Variants in ROS1 observed in about 807,000 individuals in gnomAD.
ROS1 encodes the protein proto-oncogene tyrosine-protein kinase ROS.
In ROS1, 263 loss-of-function variants were observed where a neutral mutation model predicts 273.5. The ratio of observed to expected loss-of-function variants is 0.96; its 90% CI spans 0.87 to 1.06. The LOEUF (loss-of-function observed/expected upper bound fraction) is 1.06. Among genes scored for constraint, ROS1 ranks in the 50% least tolerant of loss-of-function variants. The pLI is 0.00. For synonymous variants in ROS1, 1,008 were observed against 954.1 expected, an observed-to-expected ratio of 1.06 and a Z score of -1.04; for missense variants, 2,833 against 2,751.1, an observed-to-expected ratio of 1.03 and a Z score of -0.67.
chr6:117,311,448 A>T (rs2128550511), intron 39 of ROS1, among the ~76,000 whole-genome samples: 1 of 152,228 alleles, frequency 6.6e-6, no homozygotes, highest in Non-Finnish European at 1.5e-5. Flanking sequence ...AACTTGCTTA[A>T]GTTACTTAAC....
At chr6:117,309,069 G>T in intron 41 of ROS1, 141 bp from the exon 42 acceptor site, 1 of 696,632 alleles carries the variant, frequency 1.4e-6, no homozygotes, top group Non-Finnish European at 2.3e-6. Context: ...GCAAACGGCA[G>T]ATATAAAAGC....
rs151183861 is a variant in ROS1, at chr6:117,387,941, T to C, written c.1838A>G (p.Asp613Gly). Reference protein sequence around the residue: ...WTYEVKVSTQDPPEVTHIFLN... With the variant: ...WTYEVKVSTQGPPEVTHIFLN... ...GAAAATATGAGTGACTTCAGGAGGG[T>C]CTTGGGTGGATACTTTCACCTCATA... Residue 613 changes from aspartate to glycine, a missense_variant, in exon 14 of 44, where the codon GAC (aspartate) becomes GGC (glycine). Transcript: ENST00000368507. 4.4e-4 allele frequency: 710 copies of C among 1,614,086 alleles called. 5 individuals carry two copies. In the African/African-American group the frequency reaches 8.6e-3, roughly 20 times the overall value.
chr6:117,295,680 G>T lies in ROS1; in HGVS notation c.6715+5294C>A, dbSNP rs186792783. 2.0e-3 allele frequency among the ~76,000 whole-genome samples: 308 copies of T among 152,266 alleles called. 1 individual carries two copies. The highest frequency in any genetic ancestry group is 6.5e-3 in the Admixed American group (100 of 15,288). On this transcript the variant is annotated intron_variant, in intron 43 of 43. Coordinates refer to ENST00000368507, the MANE Select transcript of ROS1 (RefSeq NM_001378902.1). ...TAGTCTGATCAAAAAATGGGCAAAA[G>T]ATTTGAATAGACATTTCTAATAAAA...
intron 36 of ROS1, 85 bp from the exon 37 acceptor site, chr6:117,320,115 A>C (rs1776190540): frequency 1.7e-6 from 2 of 1,191,320 alleles, no homozygotes; most frequent in Admixed American, 2.2e-5. Flanking sequence ...TTTGTGTTTG[A>C]GAGAGAAAGA....
chr6:117,424,993 A>C (rs1776033484), intron 1 of ROS1, among the ~76,000 whole-genome samples: 1 of 152,240 alleles, frequency 6.6e-6, no homozygotes, highest in Non-Finnish European at 1.5e-5. Context: ...CCCAGAAATG[A>C]GAATGAAAGC....
At chr6:117,388,052 G>A (rs1216012809) in intron 13 of ROS1, 60 bp from the exon 14 acceptor site, 2 of 1,606,880 alleles carry the variant, frequency 1.2e-6, no homozygotes, top group Admixed American at 1.7e-5. Flanking sequence ...GGCAAACCAA[G>A]GATTCTCCAT....
At chr6:117,303,108 T>C (rs189936681) in intron 42 of ROS1, among the ~76,000 whole-genome samples, 250 of 152,338 alleles carry the variant, frequency 1.6e-3, no homozygotes, top group African/African-American at 5.6e-3. Flanking sequence ...GGACTGTAGA[T>C]GCTCTCTATA....
chr6:117,300,685 A>T (rs889611915), intron 43 of ROS1, among the ~76,000 whole-genome samples: 8 of 152,100 alleles, frequency 5.3e-5, no homozygotes, highest in Non-Finnish European at 1.5e-5. Flanking sequence ...GGGGGAGAAG[A>T]GAAGGAGAAC....
chr6:117,356,744 A>C lies in ROS1; in HGVS notation c.4011T>G (p.Ile1337Met). ...ATGGTTTCTCTAGGTTAGAGGTATCAATAGCCATTGCTCCACTTAACTCAA... is the reference window on the plus strand; with the variant it reads ...ATGGTTTCTCTAGGTTAGAGGTATCCATAGCCATTGCTCCACTTAACTCAA... ...TEFELSGAMA[I>M]DTSNLEKPLI... The change falls in exon 26 of 44, where the codon ATT becomes ATG. Residue 1337 changes from isoleucine to methionine, a missense_variant. Transcript: ENST00000368507. 6.2e-7 allele frequency: 1 copy of C among 1,614,182 alleles called. No individual in the cohort carries two copies. Among genetic ancestry groups the C allele is most frequent in the Admixed American group, 1.7e-5 (1 of 60,022 alleles).
chr6:117,383,553 A>G, intron 16 of ROS1, 45 bp from the exon 17 acceptor site: 1 of 1,374,342 alleles, frequency 7.3e-7, no homozygotes, highest in Non-Finnish European at 1.0e-6. Flanking sequence ...TTCAAGTGAC[A>G]TTATTATTTC....
chr6:117,288,506 C>T lies in ROS1; in HGVS notation c.7012G>A (p.Asp2338Asn), dbSNP rs766555708. The stretch of plus-strand genomic sequence containing the variant: ...AAACAACGCTATTAATCAGACCCAT[C>T]TCCATATCCACTGTGAGTGAGACAG... ...YACLTHSGYG[D>N]GSD Residue 2338 changes from aspartate to asparagine, a missense_variant, in exon 44 of 44, where the codon GAT (aspartate) becomes AAT (asparagine). Coordinates refer to ENST00000368507, the MANE Select transcript of ROS1 (RefSeq NM_001378902.1). 16 of 1,612,584 alleles carry T rather than the reference C, an allele frequency of 9.9e-6. No individual in the cohort carries two copies. Among genetic ancestry groups the T allele is most frequent in the African/African-American group, 6.7e-5 (5 of 74,742 alleles).
intron 42 of ROS1, among the ~76,000 whole-genome samples, chr6:117,307,019 T>C (rs578037877): frequency 6.6e-6 from 1 of 152,242 alleles, no homozygotes; most frequent in East Asian, 1.9e-4. Flanking sequence ...ACAATGGCAA[T>C]CCAATCAATA....
chr6:117,386,781 C>T (rs1758057515), intron 15 of ROS1, 108 bp downstream of exon 15: 1 of 550,856 alleles, frequency 1.8e-6, no homozygotes, highest in East Asian at 2.7e-5. Context: ...TTTCCTTTCA[C>T]TATTGACCAA....
intron 18 of ROS1, among the ~76,000 whole-genome samples, chr6:117,376,998 T>C (rs1382257507): frequency 2.0e-5 from 3 of 152,228 alleles, no homozygotes. Context: ...CTTCAAGTTT[T>C]TCTCTGAATT....
At chr6:117,330,217 T>C (rs1295747216) in intron 32 of ROS1, among the ~76,000 whole-genome samples, 1 of 152,182 alleles carries the variant, frequency 6.6e-6, no homozygotes, top group Non-Finnish European at 1.5e-5. Context: ...GCGGCCAGAG[T>C]GCCTCTTCAG....
At chr6:117,343,589 G>A (rs1778123304) in intron 28 of ROS1, among the ~76,000 whole-genome samples, 1 of 152,180 alleles carries the variant, frequency 6.6e-6, no homozygotes. Flanking sequence ...TATCTGCATA[G>A]CAGTATATTT....
chr6:117,310,573 T>A (rs1377649973), intron 40 of ROS1, among the ~76,000 whole-genome samples: 2 of 151,992 alleles, frequency 1.3e-5, no homozygotes, highest in Admixed American at 6.6e-5. Context: ...CCCTGGTGTA[T>A]GATGTTCCCC....
chr6:117,363,013 C>A lies in ROS1; in HGVS notation c.3104-148G>T, dbSNP rs1298257310. ...GTATATTTATTACATTCTTAAAGATCTTCAGGAGAGAATATTCCATAGATT... is the reference window on the plus strand; with the variant it reads ...GTATATTTATTACATTCTTAAAGATATTCAGGAGAGAATATTCCATAGATT... On this transcript the variant is annotated intron_variant, in intron 21 of 43. Coordinates refer to ENST00000368507, the MANE Select transcript of ROS1 (RefSeq NM_001378902.1). The A allele has an allele frequency of 9.6e-6, 7 of 731,964 alleles. No homozygotes were observed. The East Asian group carries it at 1.1e-4, about 12-fold the overall frequency. 45.3% of individuals were successfully genotyped at this position (731,964 alleles called of 1,614,324 possible).
chr6:117,388,045 A>C, intron 13 of ROS1, 53 bp from the exon 14 acceptor site: 1 of 1,609,428 alleles, frequency 6.2e-7, no homozygotes, highest in Non-Finnish European at 8.5e-7. Context: ...CTGCAAGGGC[A>C]AACCAAGGAT....
Sources: gnomAD v4.1 joint callset for allele counts (sites outside exome capture counted in the v4.1 genomes callset) on GRCh38, gnomAD v4.1.1 for gene constraint, MANE v1.5 for transcripts, NCBI Gene and HGNC (gene_info 2026-07-23, HGNC 2026-07-21) for gene names.